Variants in RAP1GAP observed in about 807,000 individuals in gnomAD.
RAP1GAP encodes the protein rap1 GTPase-activating protein 1.
Under a neutral mutation model 87.2 loss-of-function variants are expected in RAP1GAP, and 35 were observed. The ratio of observed to expected loss-of-function variants is 0.40; its 90% CI spans 0.31 to 0.53. The LOEUF (loss-of-function observed/expected upper bound fraction) is 0.53, where lower values mean the gene tolerates loss of function less well. Among genes scored for constraint, RAP1GAP ranks in the 20% least tolerant of loss-of-function variants. The probability of loss-of-function intolerance (pLI) is 0.48; values close to 1 mark genes in which losing one functional copy is unlikely to be tolerated. For missense variants in RAP1GAP, 734 were observed against 898.9 expected (o/e 0.82, Z 2.35); for synonymous variants, 375 against 363.9 (o/e 1.03, Z -0.35).
In RAP1GAP at chr1:21,658,869, A is replaced by G. The variant is rs545754867; in HGVS notation, c.-148-9073T>C. 1.7e-3 allele frequency among the ~76,000 whole-genome samples: 248 copies of G among 150,232 alleles called. 1 individual carries two copies. Among genetic ancestry groups the G allele is most frequent in the African/African-American group, 5.0e-3 (204 of 40,822 alleles). ...TTTTTCATCTCTTATGCCAGTATAT[A>G]GTTGGTTTTTGAAGTCAGGTGTGTA... On this transcript the variant is annotated intron_variant, in intron 1 of 24. Transcript: ENST00000374765.
In RAP1GAP at chr1:21,626,362, G is replaced by T. The variant is rs746712409; in HGVS notation, c.-77C>A. On this transcript the variant is annotated 5_prime_UTR_variant, in exon 3 of 25. Transcript: ENST00000374765. ...TAAGTTCACTCGTGACAGGTCTAGT[G>T]CCTGAGGGAAGTGCTGGTTCTGCCC... 2 of 1,613,356 alleles carry T rather than the reference G, an allele frequency of 1.2e-6. No homozygotes were observed. Among genetic ancestry groups the T allele is most frequent in the Non-Finnish European group, 1.7e-6 (2 of 1,179,396 alleles).
chr1:21,617,436 T>C lies in RAP1GAP; in HGVS notation c.161A>G (p.Tyr54Cys), dbSNP rs2082963946. 6.2e-7 allele frequency: 1 copy of C among 1,606,362 alleles called. No individual in the cohort carries two copies. Among genetic ancestry groups the C allele is most frequent in the Non-Finnish European group, 8.5e-7 (1 of 1,176,916 alleles). The change falls in exon 7 of 25, where the codon TAC becomes TGC. Residue 54 changes from tyrosine to cysteine, a missense_variant. Transcript: ENST00000374765. ...TTCGTGGTTGGTGCCCTCAATCCAG[T>C]AGCCCCCAAACTGGGGCAGCAGGAT... ...PLILLPQFGG[Y>C]WIEGTNHEIT...
At chr1:21,616,271 C>T (rs2082112885) in intron 7 of RAP1GAP, among the ~76,000 whole-genome samples, 1 of 152,156 alleles carries the variant, frequency 6.6e-6, no homozygotes, top group Non-Finnish European at 1.5e-5. Context: ...CAGGCTTAGT[C>T]ATTGTGTGAC....
At chr1:21,643,429 A>G (rs7531180) in intron 2 of RAP1GAP, among the ~76,000 whole-genome samples, 133,206 of 151,814 alleles carry the variant, frequency 0.88, 58,518 homozygotes, top group East Asian at 0.97. Flanking sequence ...ATGGTGGCAC[A>G]CGCCTGTAAT....
chr1:21,608,380 G>A (rs1225439632), intron 16 of RAP1GAP, 30 bp from the exon 17 acceptor site: 13 of 1,602,192 alleles, frequency 8.1e-6, no homozygotes, highest in South Asian at 2.2e-5. Context: ...CGTCAGGAGG[G>A]ACCCCAAGGA....
chr1:21,636,581 C>T (rs1489300113), intron 2 of RAP1GAP, among the ~76,000 whole-genome samples: 15 of 151,762 alleles, frequency 9.9e-5, no homozygotes, highest in African/African-American at 2.4e-4. Context: ...CTGAGGCAGG[C>T]GGATCACCTG....
chr1:21,604,200 C>T (rs776312530), intron 18 of RAP1GAP, among the ~76,000 whole-genome samples: 1 of 151,668 alleles, frequency 6.6e-6, no homozygotes, highest in Non-Finnish European at 1.5e-5. Flanking sequence ...ACCAGATGGG[C>T]ACAGAGGGAA....
At position 21,668,504 on chromosome 1, in the gene RAP1GAP, C is replaced by G. The variant is rs575803807; in HGVS notation, c.-149+750G>C. On this transcript the variant is annotated intron_variant, in intron 1 of 24. Coordinates refer to ENST00000374765, the MANE Select transcript of RAP1GAP (RefSeq NM_002885.4). This position sits in a 1 kb window ranked among gnomAD's most constrained non-coding sequence, Gnocchi z 6.2. ...GGGTCTGTTATGGTAGGGAGGGGGC[C>G]GCTCACCTCCGGAGACTGTGTGTGT... 1.3e-5 allele frequency: 2 copies of G among 152,568 alleles called. No individual in the cohort carries two copies. The highest frequency in any genetic ancestry group is 2.9e-5 in the Non-Finnish European group (2 of 68,408). 9.5% of individuals were successfully genotyped at this position (152,568 alleles called of 1,614,324 possible).
At chr1:21,618,121 G>T in intron 5 of RAP1GAP, 149 bp from the exon 6 acceptor site, 1 of 915,428 alleles carries the variant, frequency 1.1e-6, no homozygotes. Flanking sequence ...GGCTGAGGCA[G>T]GCTTAGCGTG....
chr1:21,653,892 C>T (rs145284367), intron 1 of RAP1GAP, among the ~76,000 whole-genome samples: 2,235 of 152,228 alleles, frequency 0.015, 24 homozygotes, highest in Middle Eastern at 0.037. Context: ...GCCCAGTTGG[C>T]AGAGTAGCCA....
rs765980258 is a variant in RAP1GAP at position 21,599,588 on chromosome 1, G to A, written c.1682C>T (p.Ala561Val). Residue 561 changes from alanine to valine, a missense_variant, in exon 21 of 25, where the codon GCG becomes GTG. Around this residue, in one of 2 missense-constraint regions of RAP1GAP, gnomAD observed 249 missense variants for 252.7 expected, o/e 0.99. Transcript: ENST00000374765. ...RAETAAQRAE[A>V]LKDFSRSSSS... ...CGAGGAGCGGGAGAAGTCCTTGAGC[G>A]CCTCTGCTCTCTGCGCTGCGGTCTC... is the stretch of plus-strand genomic sequence containing the variant. 7.5e-6 allele frequency: 12 copies of A among 1,608,032 alleles called. No homozygotes were observed. Among genetic ancestry groups the A allele is most frequent in the Admixed American group, 1.7e-5 (1 of 60,012 alleles).
At chr1:21,621,609 G>A (rs2087656502) in intron 3 of RAP1GAP, among the ~76,000 whole-genome samples, 1 of 152,218 alleles carries the variant, frequency 6.6e-6, no homozygotes, top group African/African-American at 2.4e-5. Flanking sequence ...GGCAGTTACT[G>A]CAGAAACCAC....
intron 1 of RAP1GAP, among the ~76,000 whole-genome samples, chr1:21,664,178 C>T (rs563719916): frequency 7.2e-5 from 11 of 152,182 alleles, no homozygotes; most frequent in Non-Finnish European, 1.0e-4. Flanking sequence ...ACCTAGTTCC[C>T]GGGTGGCTTG....
At chr1:21,602,419 C>T (rs989708754) in intron 19 of RAP1GAP, among the ~76,000 whole-genome samples, 1 of 152,240 alleles carries the variant, frequency 6.6e-6, no homozygotes, top group Admixed American at 6.5e-5. Flanking sequence ...GCTGCCCACA[C>T]TCATGGACCC....
chr1:21,652,328 C>T (rs918133332), intron 1 of RAP1GAP, among the ~76,000 whole-genome samples: 8 of 152,240 alleles, frequency 5.3e-5, no homozygotes, highest in African/African-American at 1.9e-4. Context: ...CCGCCGGCCT[C>T]CTAGGACCTG....
intron 1 of RAP1GAP, among the ~76,000 whole-genome samples, chr1:21,650,904 T>A (rs1488175989): frequency 1.4e-5 from 2 of 143,794 alleles, no homozygotes. Flanking sequence ...ACAATCCCCA[T>A]AGCTCAGAGA....
intron 2 of RAP1GAP, among the ~76,000 whole-genome samples, chr1:21,640,762 G>A (rs2151348817): frequency 6.6e-6 from 1 of 152,244 alleles, no homozygotes; most frequent in Non-Finnish European, 1.5e-5. Context: ...GCCCTGCAGT[G>A]AGCTCCACCC....
rs757502919 is a variant in RAP1GAP, at chr1:21,602,863, G to A, written c.1479C>T (p.Phe493=). ...CAATGGCGCTGCTGCGGCGGGAGCC[G>A]AACGGGCCCGACTTCTTCCTCGTGG... ...KSPTRKKSGP[F]GSRRSSAIGI... The change falls in exon 19 of 25, where the codon TTC becomes TTT. Residue 493 remains phenylalanine, a synonymous_variant. Transcript: ENST00000374765. The A allele has an allele frequency of 6.8e-6, 11 of 1,609,542 alleles. No individual in the cohort carries two copies. Among genetic ancestry groups the A allele is most frequent in the South Asian group, 4.4e-5 (4 of 91,030 alleles).
At chr1:21,597,915 C>A in intron 23 of RAP1GAP, 46 bp downstream of exon 23, 1 of 1,535,204 alleles carries the variant, frequency 6.5e-7, no homozygotes, top group Non-Finnish European at 8.8e-7. Context: ...CTCATCCCCT[C>A]CCGGGTGGGG....
Sources: allele counts gnomAD v4.1 joint callset (sites outside exome capture counted in the v4.1 genomes callset), GRCh38; gene constraint gnomAD v4.1.1; regional missense constraint gnomAD v4.1.1; non-coding constraint Gnocchi (gnomAD v3.1); transcripts MANE v1.5; gene names NCBI Gene and HGNC (gene_info 2026-07-23, HGNC 2026-07-21).